The following NOTCH2 variants were observed in gnomAD, a reference collection of about 807,000 sequenced individuals.
NOTCH2 encodes neurogenic locus notch homolog protein 2.
Under a neutral mutation model 235.8 loss-of-function variants are expected in NOTCH2, and 29 were observed. That is an observed-to-expected ratio of 0.12 (90% CI 0.09 to 0.17). The LOEUF is 0.17. Ranked by LOEUF, NOTCH2 falls within the 10% of genes least tolerant of loss-of-function variation. The pLI is 1.00. For synonymous variants in NOTCH2, 1,086 were observed against 1,141.5 expected (o/e 0.95, Z 0.98); for missense variants, 2,285 against 3,150.2 (o/e 0.73, Z 6.57).
intron 17 of NOTCH2, among the ~76,000 whole-genome samples, chr1:119,945,947 T>C (rs112389942): frequency 2.0e-5 from 3 of 152,108 alleles, no homozygotes; most frequent in African/African-American, 7.2e-5. Context: ...AAACAGACAT[T>C]CTTCCCTTTC....
chr1:120,010,286 T>A (rs1420972213), intron 2 of NOTCH2, among the ~76,000 whole-genome samples: 66 of 152,152 alleles, frequency 4.3e-4, no homozygotes, highest in Non-Finnish European at 2.6e-4. Flanking sequence ...TTTCCAGCCA[T>A]CCTTGGAATA....
chr1:119,926,749 T>C (rs1396955152), intron 23 of NOTCH2, 138 bp from the exon 24 acceptor site: 18 of 718,776 alleles, frequency 2.5e-5, no homozygotes, highest in Non-Finnish European at 1.7e-5. Flanking sequence ...TGTGGTAATC[T>C]GAGCATAGAA....
intron 7 of NOTCH2, 93 bp from the exon 8 acceptor site, chr1:119,967,714 G>A: frequency 1.8e-6 from 2 of 1,081,586 alleles, no homozygotes; most frequent in Non-Finnish European, 2.8e-6. Context: ...ATAGCATCAG[G>A]GCCAGGCCTT....
At chr1:119,949,553 A>AT (rs1650388814) in intron 15 of NOTCH2, among the ~76,000 whole-genome samples, 1 of 151,590 alleles carries the variant, frequency 6.6e-6, no homozygotes, top group Admixed American at 6.6e-5. Context: ...CGCCCGGCTA[A>AT]TTTTTTATAT....
At position 119,915,830 on chromosome 1, in the gene NOTCH2, G is replaced by A. The variant is rs1270274564; in HGVS notation, c.6892C>T (p.Arg2298Trp). 8 of 1,614,128 alleles carry A rather than the reference G, an allele frequency of 5.0e-6. No homozygotes were observed. Among genetic ancestry groups the A allele is most frequent in the East Asian group, 2.2e-5 (1 of 44,882 alleles). Residue 2298 changes from arginine (R) to tryptophan (W), a missense_variant, in exon 34 of 34, where the codon CGG (arginine) becomes TGG (tryptophan). By Grantham distance (101) the Arg-to-Trp change is moderately radical (BLOSUM62 -3). This residue lies in a region of NOTCH2 where 504 missense variants were observed against 538.0 expected (regional missense o/e 0.94). Coordinates refer to ENST00000256646, the MANE Select transcript of NOTCH2 (RefSeq NM_024408.4). ...GTCACAATGGGGGGCAAGGGCTCCC[G>A]AGGGGTGGTTATGTGCTTCCCTTCA... ...PPEGKHITTP[R>W]EPLPPIVTFQ...
At chr1:120,047,661 G>T (rs1467809637) in intron 1 of NOTCH2, among the ~76,000 whole-genome samples, 121 of 145,834 alleles carry the variant, frequency 8.3e-4, no homozygotes, top group East Asian at 2.5e-3. Flanking sequence ...TCCAGTCTGG[G>T]TGACAGAGTG....
intron 8 of NOTCH2, among the ~76,000 whole-genome samples, chr1:119,966,694 A>C (rs1445764008): frequency 6.6e-6 from 1 of 152,168 alleles, no homozygotes; most frequent in Admixed American, 6.5e-5. Flanking sequence ...GTCACTGTGA[A>C]AAGCGGGAAG....
intron 28 of NOTCH2, 32 bp downstream of exon 28, chr1:119,922,204 G>A (rs1649309651): frequency 1.9e-6 from 3 of 1,599,672 alleles, no homozygotes; most frequent in Middle Eastern, 1.9e-4. Context: ...TACTTATACT[G>A]TGAATAGTGG....
At chr1:120,009,236 T>C (rs1301444400) in intron 2 of NOTCH2, among the ~76,000 whole-genome samples, 1 of 151,022 alleles carries the variant, frequency 6.6e-6, no homozygotes, top group African/African-American at 2.4e-5. Flanking sequence ...TTTAAGCCAC[T>C]GTAAAGAAAG....
chr1:119,963,527 G>C, intron 11 of NOTCH2, 47 bp downstream of exon 11: 1 of 1,487,866 alleles, frequency 6.7e-7, no homozygotes, highest in Non-Finnish European at 9.4e-7. Flanking sequence ...AAACAGATTT[G>C]AGAAACAGTG....
At position 119,955,138 on chromosome 1, in the gene NOTCH2, T is replaced by C. The variant is rs2101124578; in HGVS notation, c.2121A>G (p.Ile707Met). ...CINGVNGFRC[I>M]CPEGPHHPSC... ...TGGGGTGATGGGGTCCCTCGGGGCA[T>C]ATACAGCGGAAACCATTCACACCGT... The change falls in exon 13 of 34, where the codon ATA becomes ATG. Residue 707 changes from isoleucine (I) to methionine (M), a missense_variant. By Grantham distance (10) the Ile-to-Met change is conservative. This residue lies in a region of NOTCH2 where 1,173 missense variants were observed against 1,515.3 expected (regional missense o/e 0.77). Coordinates refer to ENST00000256646, the MANE Select transcript of NOTCH2 (RefSeq NM_024408.4). The C allele has an allele frequency of 6.2e-7, 1 of 1,614,164 alleles. No individual in the cohort carries two copies. The highest frequency in any genetic ancestry group is 8.5e-7 in the Non-Finnish European group (1 of 1,180,020).
At chr1:119,982,161 C>G (rs587617054) in intron 5 of NOTCH2, among the ~76,000 whole-genome samples, 93 of 152,260 alleles carry the variant, frequency 6.1e-4, no homozygotes, top group African/African-American at 2.2e-3. Flanking sequence ...GGAGCACTGA[C>G]AGCAATGAAA....
chr1:120,003,323 T>TG (rs1212740904), intron 3 of NOTCH2, among the ~76,000 whole-genome samples: 1 of 151,648 alleles, frequency 6.6e-6, no homozygotes, highest in African/African-American at 2.4e-5. Flanking sequence ...CTTGTGATCA[T>TG]GTGAATTAAT....
At position 120,017,269 on chromosome 1, in the gene NOTCH2, C is replaced by A. The variant is rs587751469; in HGVS notation, c.156-11681G>T. Among the ~76,000 whole-genome samples, 128 of 143,652 alleles carry A rather than the reference C, an allele frequency of 8.9e-4. No homozygotes were observed. The Middle Eastern group carries it at 0.018, about 20-fold the overall frequency. 94.2% of individuals were successfully genotyped at this position (143,652 alleles called of 152,430 possible). ...CTTCCAGACCTCTGTACACGCTGTTCAGTCAGCCCAAAATGCTTTTCCCCA... is the reference window on the plus strand; with the variant it reads ...CTTCCAGACCTCTGTACACGCTGTTAAGTCAGCCCAAAATGCTTTTCCCCA... On this transcript the variant is annotated intron_variant, in intron 2 of 33. Coordinates refer to ENST00000256646, the MANE Select transcript of NOTCH2 (RefSeq NM_024408.4).
chr1:119,935,204 GCTAATGTTGTATCC>G lies in NOTCH2; in HGVS notation c.3655+254_3655+267del, dbSNP rs1285326776. 3.8e-6 allele frequency: 5 copies of G among 1,325,472 alleles called. No individual in the cohort carries two copies. The Admixed American group carries it at 1.6e-4, about 42-fold the overall frequency. The allele number at this position is 1,325,472 out of a possible 1,614,324, so 82.1% of individuals were successfully genotyped here. A position where few individuals can be genotyped will look rare whatever the true frequency, so the allele number is the denominator to read the frequency against. Reference sequence around the variant, plus strand: ...GACCAGGCTAATTTTTTAATGTTATGCTAATGTTGTATCCCTTCCATATTCTGTGTTTCATGGAA... The same window carrying G: ...GACCAGGCTAATTTTTTAATGTTATGCTTCCATATTCTGTGTTTCATGGAA... On this transcript the variant is annotated intron_variant, in intron 22 of 33. Transcript: ENST00000256646.
At position 119,923,789 on chromosome 1, in the gene NOTCH2, C is replaced by T. The variant is rs1297318689; in HGVS notation, c.4707G>A (p.Leu1569=). 6.2e-7 allele frequency: 1 copy of T among 1,614,148 alleles called. No homozygotes were observed. Among genetic ancestry groups the T allele is most frequent in the Admixed American group, 1.7e-5 (1 of 60,014 alleles). ...GCAGGTTGGTGTGGAGCAGGGTACCCAGTGCCCGCAAGAAGCTGCGAGCAT... is the reference window on the plus strand; with the variant it reads ...GCAGGTTGGTGTGGAGCAGGGTACCTAGTGCCCGCAAGAAGCTGCGAGCAT... ...LQDARSFLRA[L]GTLLHTNLRI... is the part of the protein sequence containing the mutation. Residue 1569 remains leucine, a synonymous_variant, in exon 26 of 34, where the codon CTG becomes CTA. Coordinates refer to ENST00000256646, the MANE Select transcript of NOTCH2 (RefSeq NM_024408.4).
intron 27 of NOTCH2, 37 bp downstream of exon 27, chr1:119,922,599 C>T (rs1396244952): frequency 5.0e-6 from 8 of 1,613,122 alleles, no homozygotes; most frequent in African/African-American, 1.3e-5. Context: ...GACACTCTTC[C>T]CCCGCCACCT....
intron 22 of NOTCH2, among the ~76,000 whole-genome samples, chr1:119,933,755 C>T (rs782260975): frequency 1.1e-4 from 16 of 152,176 alleles, no homozygotes; most frequent in Non-Finnish European, 2.1e-4. Flanking sequence ...TAGGACTGGA[C>T]ATGTCTTATT....
At chr1:119,921,664 T>G (rs764412185) in intron 29 of NOTCH2, 49 bp downstream of exon 29, 1 of 1,498,404 alleles carries the variant, frequency 6.7e-7, no homozygotes, top group Non-Finnish European at 9.3e-7. Context: ...AAATTTGAAA[T>G]GTAACCAGAT....
Sources: gnomAD v4.1 joint callset for allele counts (sites outside exome capture counted in the v4.1 genomes callset) on GRCh38, gnomAD v4.1.1 for gene constraint, gnomAD v4.1.1 regional missense constraint, MANE v1.5 for transcripts, NCBI Gene and HGNC (gene_info 2026-07-23, HGNC 2026-07-21) for gene names.